IKZF2: variants seen among roughly 807,000 people sequenced by gnomAD.
The protein encoded by IKZF2 is IKAROS family zinc finger 2, also known as zinc finger protein Helios.
IKZF2 carries 15 observed loss-of-function variants against 49.2 expected under a neutral mutation model. That is an observed-to-expected ratio of 0.30 (90% confidence interval 0.20 to 0.47). IKZF2 has a LOEUF of 0.47. Ranked by LOEUF, IKZF2 falls within the 20% of genes least tolerant of loss-of-function variation. IKZF2 has a pLI of 1.00. For synonymous variants in IKZF2, 227 were observed against 221.4 expected (o/e 1.03, Z -0.23); for missense variants, 567 against 664.6 (o/e 0.85, Z 1.61).
chr2:213,101,439 C>T (rs1026013823), intron 4 of IKZF2, among the ~76,000 whole-genome samples: 10 of 152,000 alleles, frequency 6.6e-5, no homozygotes, highest in Non-Finnish European at 1.3e-4. Context: ...GATACGTTCA[C>T]TGTAGTCTGC....
At chr2:213,046,425 A>C (rs1348635616) in intron 6 of IKZF2, among the ~76,000 whole-genome samples, 1 of 152,186 alleles carries the variant, frequency 6.6e-6, no homozygotes. Flanking sequence ...CTAGTTGATG[A>C]GGATGAAACA....
chr2:213,073,109 C>T (rs1486983607), intron 4 of IKZF2, among the ~76,000 whole-genome samples: 1 of 152,114 alleles, frequency 6.6e-6, no homozygotes, highest in African/African-American at 2.4e-5. Context: ...TTAAGGTCTA[C>T]TTAATACGTC....
intron 5 of IKZF2, among the ~76,000 whole-genome samples, chr2:213,055,815 T>C (rs1341294799): frequency 6.6e-6 from 1 of 152,168 alleles, no homozygotes; most frequent in African/African-American, 2.4e-5. Flanking sequence ...TCTTTAATGT[T>C]TTAAGCACGT....
At chr2:213,150,292 C>T in intron 1 of IKZF2, 45 bp from the exon 2 acceptor site, 9 of 727,996 alleles carry the variant, frequency 1.2e-5, no homozygotes, top group South Asian at 1.2e-4. Context: ...TTTGTGTTTC[C>T]CCCTTCTCTC....
In IKZF2 at chr2:213,000,635, T is replaced by C. The variant is rs186366110; in HGVS notation, c.*6725A>G. The C allele has an allele frequency of 5.3e-5, 8 of 151,486 alleles. No homozygotes were observed. In the Admixed American group the frequency reaches 5.3e-4, roughly 10 times the overall value. The allele number at this position is 151,486 out of a possible 1,614,324, so 9.4% of individuals were successfully genotyped here. A position where few individuals can be genotyped will look rare whatever the true frequency, so the allele number is the denominator to read the frequency against. On this transcript the variant is annotated 3_prime_UTR_variant, in exon 9 of 9. Transcript: ENST00000434687. ...TACATATAAATATGTATAAGAAAAATACCTCTTACTTAAATTTGTATGAAA... is the reference window on the plus strand; with the variant it reads ...TACATATAAATATGTATAAGAAAAACACCTCTTACTTAAATTTGTATGAAA...
At chr2:213,105,106 CAA>C (rs1317591303) in intron 4 of IKZF2, among the ~76,000 whole-genome samples, 3 of 152,184 alleles carry the variant, frequency 2.0e-5, no homozygotes, top group South Asian at 2.1e-4. Context: ...TGAGTAGTGT[CAA>C]AAAGACTTCC....
At chr2:213,019,540 A>G (rs1478357786) in intron 7 of IKZF2, among the ~76,000 whole-genome samples, 6 of 152,212 alleles carry the variant, frequency 3.9e-5, no homozygotes, top group Admixed American at 6.5e-5. Flanking sequence ...GAGATTAAGG[A>G]TAATCTCAAA....
chr2:213,034,209 T>C (rs1698770496), intron 6 of IKZF2, among the ~76,000 whole-genome samples: 2 of 152,392 alleles, frequency 1.3e-5, no homozygotes, highest in African/African-American at 4.8e-5. Context: ...TGTGGCTGGT[T>C]TGATCTTCTA....
In IKZF2 at chr2:213,008,229, T is replaced by C. The variant is rs914788590; in HGVS notation, c.857-145A>G. The C allele has an allele frequency of 3.1e-5, 31 of 1,012,374 alleles. 1 individual carries two copies. The highest frequency in any genetic ancestry group is 1.7e-4 in the South Asian group (9 of 51,908). 62.7% of individuals were successfully genotyped at this position (1,012,374 alleles called of 1,614,324 possible). A position where few individuals can be genotyped will look rare whatever the true frequency, so the allele number is the denominator to read the frequency against. ...GGTATATATTACTCTATAAGTCAAG[T>C]ATTTGGGCAATTCTGCTGATGCTCA... On this transcript the variant is annotated intron_variant, in intron 8 of 8. Coordinates refer to ENST00000434687, the MANE Select transcript of IKZF2 (RefSeq NM_001387220.1).
intron 4 of IKZF2, among the ~76,000 whole-genome samples, chr2:213,081,418 T>G (rs149139677): frequency 1.6e-3 from 240 of 152,310 alleles, no homozygotes; most frequent in Middle Eastern, 6.8e-3. Context: ...TAAACATTTA[T>G]TGAACTACAA....
chr2:213,015,333 T>C (rs1696447937), intron 7 of IKZF2: 1 of 152,038 alleles, frequency 6.6e-6, no homozygotes, highest in African/African-American at 2.4e-5. Flanking sequence ...AATTATTAGA[T>C]GTTAATTTGG....
At chr2:213,136,884 A>G (rs1459770550) in intron 4 of IKZF2, among the ~76,000 whole-genome samples, 1 of 152,164 alleles carries the variant, frequency 6.6e-6, no homozygotes, top group East Asian at 1.9e-4. Context: ...AAAAACATAA[A>G]TGGTATTATC....
intron 4 of IKZF2, among the ~76,000 whole-genome samples, chr2:213,115,541 T>C (rs2059843855): frequency 6.6e-6 from 1 of 152,226 alleles, no homozygotes; most frequent in Non-Finnish European, 1.5e-5. Flanking sequence ...AGGCAGCCTG[T>C]CCATCAACTT....
At chr2:213,125,360 C>G (rs535829909) in intron 4 of IKZF2, among the ~76,000 whole-genome samples, 2 of 152,216 alleles carry the variant, frequency 1.3e-5, no homozygotes, top group African/African-American at 4.8e-5. Context: ...AAATATTCTT[C>G]AGGAACAAAA....
chr2:213,134,435 C>G (rs1379498535), intron 4 of IKZF2, among the ~76,000 whole-genome samples: 1 of 152,222 alleles, frequency 6.6e-6, no homozygotes, highest in African/African-American at 2.4e-5. Context: ...TAGGATATCT[C>G]TTACACACAC....
intron 4 of IKZF2, among the ~76,000 whole-genome samples, chr2:213,126,389 C>T (rs574017864): frequency 3.3e-5 from 5 of 152,232 alleles, no homozygotes; most frequent in Admixed American, 2.0e-4. Flanking sequence ...CCTAGCTTCC[C>T]ACAATGGCAT....
At chr2:213,048,708 G>A (rs1342834574) in intron 6 of IKZF2, among the ~76,000 whole-genome samples, 1 of 151,916 alleles carries the variant, frequency 6.6e-6, no homozygotes, top group Non-Finnish European at 1.5e-5. Flanking sequence ...AAATTTAAGA[G>A]TTAATGTTTA....
intron 8 of IKZF2, 39 bp from the exon 9 acceptor site, chr2:213,008,123 A>AG: frequency 6.6e-7 from 1 of 1,510,124 alleles, no homozygotes; most frequent in East Asian, 2.3e-5. Flanking sequence ...AAAAAAAAAA[A>AG]AAAAATACAA....
intron 4 of IKZF2, among the ~76,000 whole-genome samples, chr2:213,104,102 T>G (rs1345596598): frequency 6.6e-6 from 1 of 152,074 alleles, no homozygotes; most frequent in African/African-American, 2.4e-5. Context: ...GACCTCCATG[T>G]CTAGAGGTAT....
Sources: allele counts gnomAD v4.1 joint callset (sites outside exome capture counted in the v4.1 genomes callset), GRCh38; gene constraint gnomAD v4.1.1; transcripts MANE v1.5; gene names NCBI Gene and HGNC (gene_info 2026-07-23, HGNC 2026-07-21).